The following CCSER1 variants were observed in gnomAD, a reference collection of about 807,000 sequenced individuals.
CCSER1 encodes serine-rich coiled-coil domain-containing protein 1.
Under a neutral mutation model 82.0 loss-of-function variants are expected in CCSER1, and 41 were observed. The ratio of observed to expected loss-of-function variants is 0.50; its 90% CI spans 0.39 to 0.65. The LOEUF is 0.65. Ranked by LOEUF, CCSER1 falls within the 30% of genes least tolerant of loss-of-function variation. The pLI is 0.00. For synonymous variants in CCSER1, 414 were observed against 383.9 expected (o/e 1.08, Z -0.92); for missense variants, 1,119 against 1,064.2 (o/e 1.05, Z -0.72).
intron 10 of CCSER1, among the ~76,000 whole-genome samples, chr4:91,417,683 G>T (rs1753447269): frequency 6.6e-6 from 1 of 151,658 alleles, no homozygotes; most frequent in South Asian, 2.1e-4. Context: ...ACACACTGGG[G>T]CCTGTCATTG....
At chr4:90,301,467 A>G (rs1052339651) in intron 1 of CCSER1, among the ~76,000 whole-genome samples, 1 of 152,158 alleles carries the variant, frequency 6.6e-6, no homozygotes, top group Non-Finnish European at 1.5e-5. Context: ...TTTCTAAGAG[A>G]TCAAACTGAG....
At chr4:90,806,624 T>C (rs991344284) in intron 7 of CCSER1, among the ~76,000 whole-genome samples, 5 of 152,122 alleles carry the variant, frequency 3.3e-5, no homozygotes, top group South Asian at 2.1e-4. Context: ...GCCTCAGCTC[T>C]CCAGATGAAG....
chr4:91,539,143 CTCTT>C (rs1444388721), intron 10 of CCSER1, among the ~76,000 whole-genome samples: 3 of 152,002 alleles, frequency 2.0e-5, no homozygotes, highest in Admixed American at 1.3e-4. Flanking sequence ...TAGCTGTTAA[CTCTT>C]TATCTTATTC....
intron 4 of CCSER1, among the ~76,000 whole-genome samples, chr4:90,453,086 C>A (rs189283454): frequency 3.7e-4 from 56 of 152,280 alleles, no homozygotes; most frequent in Admixed American, 7.9e-4. Flanking sequence ...TCTTTTGACA[C>A]ACCTTCTCAA....
chr4:90,573,867 T>G (rs1057176457), intron 5 of CCSER1, among the ~76,000 whole-genome samples: 1 of 152,192 alleles, frequency 6.6e-6, no homozygotes, highest in African/African-American at 2.4e-5. Context: ...AATTCATAGT[T>G]TATAAAACAC....
At chr4:90,949,441 G>A (rs2150350244) in intron 9 of CCSER1, among the ~76,000 whole-genome samples, 1 of 152,060 alleles carries the variant, frequency 6.6e-6, no homozygotes, top group South Asian at 2.1e-4. Context: ...AACATAATAC[G>A]GTAAATAGGA....
chr4:90,755,924 G>C (rs1749449098), intron 7 of CCSER1, among the ~76,000 whole-genome samples: 1 of 152,076 alleles, frequency 6.6e-6, no homozygotes, highest in South Asian at 2.1e-4. Flanking sequence ...TAAAAACCTA[G>C]CTTTTAAAAT....
chr4:90,599,040 A>G (rs900654272), intron 5 of CCSER1, among the ~76,000 whole-genome samples: 1 of 152,156 alleles, frequency 6.6e-6, no homozygotes, highest in African/African-American at 2.4e-5. Flanking sequence ...CATGGGGTTC[A>G]GGGCACAATG....
chr4:90,938,361 G>T (rs1397094177), intron 9 of CCSER1, among the ~76,000 whole-genome samples: 1 of 151,862 alleles, frequency 6.6e-6, no homozygotes, highest in Non-Finnish European at 1.5e-5. Flanking sequence ...AAGAAAAAAA[G>T]TTTATTAGAA....
At chr4:90,448,484 TA>T (rs1256615024) in intron 4 of CCSER1, among the ~76,000 whole-genome samples, 17 of 134,588 alleles carry the variant, frequency 1.3e-4, no homozygotes, top group African/African-American at 4.5e-4. Flanking sequence ...TATATATATA[TA>T]GCACTTTTCT....
intron 5 of CCSER1, among the ~76,000 whole-genome samples, chr4:90,535,621 A>G (rs1375623075): frequency 6.6e-6 from 1 of 152,190 alleles, no homozygotes; most frequent in Non-Finnish European, 1.5e-5. Flanking sequence ...ACTGGCTCAT[A>G]GCTAGAATGT....
intron 8 of CCSER1, among the ~76,000 whole-genome samples, chr4:90,919,408 T>A (rs1728051281): frequency 6.6e-6 from 1 of 151,928 alleles, no homozygotes; most frequent in Admixed American, 6.6e-5. Context: ...AGTATCAGTT[T>A]GCTGTTTTTT....
At chr4:91,251,821 G>A (rs183791504) in intron 10 of CCSER1, among the ~76,000 whole-genome samples, 1 of 152,256 alleles carries the variant, frequency 6.6e-6, no homozygotes, top group East Asian at 1.9e-4. Context: ...ATTTTCAGTT[G>A]TAATTAATGA....
At chr4:90,466,658 T>C (rs565400739) in intron 4 of CCSER1, among the ~76,000 whole-genome samples, 89 of 152,288 alleles carry the variant, frequency 5.8e-4, no homozygotes, top group African/African-American at 2.0e-3. Flanking sequence ...TATGCTACAA[T>C]AGAAAATTAA....
intron 10 of CCSER1, among the ~76,000 whole-genome samples, chr4:91,371,781 T>G (rs1221777706): frequency 1.3e-5 from 2 of 152,160 alleles, no homozygotes; most frequent in African/African-American, 4.8e-5. Context: ...ATGCAATATC[T>G]TTTGTACCTA....
chr4:90,924,154 G>C (rs987667936), intron 9 of CCSER1, among the ~76,000 whole-genome samples: 1 of 152,026 alleles, frequency 6.6e-6, no homozygotes, highest in Non-Finnish European at 1.5e-5. Context: ...ATTTGATCTT[G>C]TAGCTAACAT....
intron 5 of CCSER1, among the ~76,000 whole-genome samples, chr4:90,534,039 A>G (rs1560674943): frequency 6.6e-6 from 1 of 152,228 alleles, no homozygotes; most frequent in Non-Finnish European, 1.5e-5. Flanking sequence ...TTGATTGTAC[A>G]ATTGAATGAA....
At chr4:90,304,424 T>C (rs1365582391) in intron 1 of CCSER1, among the ~76,000 whole-genome samples, 1 of 152,070 alleles carries the variant, frequency 6.6e-6, no homozygotes, top group African/African-American at 2.4e-5. Context: ...ATAGACTGGA[T>C]TAAGAAAATG....
chr4:90,664,441 A>G (rs1266598940), intron 6 of CCSER1, among the ~76,000 whole-genome samples: 1 of 152,166 alleles, frequency 6.6e-6, no homozygotes, highest in Non-Finnish European at 1.5e-5. Flanking sequence ...TTTTTTGTCA[A>G]AAGCATTAAA....
Sources: gnomAD v4.1 joint callset for allele counts (sites outside exome capture counted in the v4.1 genomes callset) on GRCh38, gnomAD v4.1.1 for gene constraint, MANE v1.5 for transcripts, NCBI Gene and HGNC (gene_info 2026-07-23, HGNC 2026-07-21) for gene names.